NFIB: variants seen among roughly 807,000 people sequenced by gnomAD.
The protein encoded by NFIB is nuclear factor 1 B-type.
NFIB carries 11 observed loss-of-function variants against 61.5 expected under a neutral mutation model. The observed-to-expected ratio is 0.18, with a 90% CI of 0.11 to 0.30. The LOEUF is 0.30. Among genes scored for constraint, NFIB ranks in the 10% least tolerant of loss-of-function variants. The pLI, the probability that NFIB is intolerant of heterozygous loss-of-function variation, is 1.00. For missense variants in NFIB, 471 were observed against 608.9 expected (o/e 0.77, Z 2.38); for synonymous variants, 260 against 216.5 (o/e 1.20, Z -1.76).
intron 2 of NFIB, among the ~76,000 whole-genome samples, chr9:14,287,248 G>A (rs1233446958): frequency 1.3e-5 from 2 of 150,450 alleles, no homozygotes; most frequent in African/African-American, 2.5e-5. Context: ...TGGCTAACAC[G>A]GTGAAACCCC....
At chr9:14,405,662 A>G in the NFIB span, among the ~76,000 whole-genome samples, 1 of 152,230 alleles carries the variant, frequency 6.6e-6, no homozygotes, top group Non-Finnish European at 1.5e-5. Flanking sequence ...TTCAAGCAAA[A>G]ATGAAATGGA....
At chr9:14,290,094 A>G (rs145218250) in intron 2 of NFIB, among the ~76,000 whole-genome samples, 1 of 152,210 alleles carries the variant, frequency 6.6e-6, no homozygotes, top group African/African-American at 2.4e-5. Flanking sequence ...ACTGGATTGT[A>G]CCAGGAAATT....
At chr9:14,333,625 A>G (rs1172097518) in intron 1 of NFIB, among the ~76,000 whole-genome samples, 1 of 152,218 alleles carries the variant, frequency 6.6e-6, no homozygotes, top group East Asian at 1.9e-4. Context: ...TGGATCCCTA[A>G]AAAGTAAGAC....
rs1439274756 is a variant in NFIB at position 14,227,408 on chromosome 9, A to C, written c.563-47628T>G. On this transcript the variant is annotated intron_variant, in intron 2 of 10. Coordinates refer to ENST00000380953, the MANE Select transcript of NFIB (RefSeq NM_001190737.2). ...AGTACTCAAAACTATCTGTTGAATA[A>C]ACAAAGCATGGATGAATTTTTTAAA... Among the ~76,000 whole-genome samples, 4 of 152,158 alleles carry C rather than the reference A, an allele frequency of 2.6e-5. No individual in the cohort carries two copies. The East Asian group carries it at 5.8e-4, about 22-fold the overall frequency.
chr9:14,487,780 A>G, the NFIB span, among the ~76,000 whole-genome samples: 1 of 152,224 alleles, frequency 6.6e-6, no homozygotes, highest in Non-Finnish European at 1.5e-5. Context: ...AAACCTTCAG[A>G]CAAAAATATC....
chr9:14,530,340 C>CCACT, the NFIB span, among the ~76,000 whole-genome samples: 1 of 151,862 alleles, frequency 6.6e-6, no homozygotes, highest in Non-Finnish European at 1.5e-5. Flanking sequence ...TAACAGTTTG[C>CCACT]CACTTTAGAG....
intron 8 of NFIB, among the ~76,000 whole-genome samples, chr9:14,117,066 T>C (rs1032783636): frequency 4.6e-5 from 7 of 152,222 alleles, no homozygotes; most frequent in Non-Finnish European, 1.0e-4. Flanking sequence ...TGAGCTACGT[T>C]TGTCCTTACA....
intron 3 of NFIB, 74 bp downstream of exon 3, chr9:14,179,653 G>T: frequency 6.7e-7 from 1 of 1,499,506 alleles, no homozygotes; most frequent in Non-Finnish European, 9.2e-7. Flanking sequence ...CCAATTATGG[G>T]GTGTTTATCT....
intron 1 of NFIB, chr9:14,357,222 AG>A (rs2061186325): frequency 6.6e-6 from 1 of 152,230 alleles, no homozygotes; most frequent in Non-Finnish European, 1.5e-5. Flanking sequence ...GGCTTCTATC[AG>A]GAAAGCTATT....
chr9:14,390,498 GAGCTCTCAACAGACAA>G (rs372510970), intron 1 of NFIB, among the ~76,000 whole-genome samples: 2,790 of 152,282 alleles, frequency 0.018, 81 homozygotes, highest in African/African-American at 0.063. Context: ...TAAACTAAAA[GAGCTCTCAACAGACAA>G]AGTTGTCATA....
At chr9:14,202,934 T>C (rs929659409) in intron 2 of NFIB, among the ~76,000 whole-genome samples, 2 of 152,212 alleles carry the variant, frequency 1.3e-5, no homozygotes, top group Non-Finnish European at 2.9e-5. Context: ...AAATTATTTC[T>C]TTCACTCCAT....
In NFIB at chr9:14,270,620, AAAC is replaced by A. The variant is rs923881896; in HGVS notation, c.562+36366_562+36368del. Among the ~76,000 whole-genome samples, 8 of 151,278 alleles carry A rather than the reference AAAC, an allele frequency of 5.3e-5. No homozygotes were observed. In the East Asian group the frequency reaches 1.4e-3, roughly 26 times the overall value. On this transcript the variant is annotated intron_variant, in intron 2 of 10. Transcript: ENST00000380953. ...AAAAAAAAAAAAAGGCAGAGGACAG[AAAC>A]AACATCAGCTTAGATTAAACCTTCC... is the stretch of plus-strand genomic sequence containing the variant.
At chr9:14,241,148 T>C (rs972710790) in intron 2 of NFIB, among the ~76,000 whole-genome samples, 2 of 152,244 alleles carry the variant, frequency 1.3e-5, no homozygotes, top group African/African-American at 4.8e-5. Flanking sequence ...GGCAATTACC[T>C]GCCATTTAAC....
At chr9:14,430,999 A>T in the NFIB span, among the ~76,000 whole-genome samples, 5 of 152,238 alleles carry the variant, frequency 3.3e-5, no homozygotes, top group Non-Finnish European at 5.9e-5. Flanking sequence ...CAATATGGGC[A>T]TGGAAATAAT....
intron 10 of NFIB, among the ~76,000 whole-genome samples, chr9:14,094,832 T>C (rs777845630): frequency 8.5e-5 from 13 of 152,126 alleles, no homozygotes; most frequent in Non-Finnish European, 1.5e-4. Flanking sequence ...GTTTTGAAAA[T>C]AGCATATCAA....
chr9:14,092,786 C>CTCACCTAGTAGGTGAGTCCTACT (rs1182611639), intron 10 of NFIB, among the ~76,000 whole-genome samples: 1 of 152,004 alleles, frequency 6.6e-6, no homozygotes, highest in Admixed American at 6.6e-5. Flanking sequence ...GTGAGTTCTA[C>CTCACCTAGTAGGTGAGTCCTACT]AGCGTGAGGA....
chr9:14,456,997 C>G, the NFIB span, among the ~76,000 whole-genome samples: 1 of 152,116 alleles, frequency 6.6e-6, no homozygotes, highest in African/African-American at 2.4e-5. Context: ...GAACAATGTA[C>G]AACCATAACA....
Position 14,211,111 on chromosome 9 carries a change from C to A in NFIB, c.563-31331G>T, listed in dbSNP as rs138301023. 3.5e-4 allele frequency among the ~76,000 whole-genome samples: 54 copies of A among 152,250 alleles called. No homozygotes were observed. In the South Asian group the frequency reaches 0.011, roughly 32 times the overall value. The stretch of plus-strand genomic sequence containing the variant: ...ATTTGTACAATGTTAAGTATCACTG[C>A]AACCTGGAAAAACTTGCGGTAAAAT... On this transcript the variant is annotated intron_variant, in intron 2 of 10. Transcript: ENST00000380953.
chr9:14,423,488 C>T, the NFIB span, among the ~76,000 whole-genome samples: 5 of 152,092 alleles, frequency 3.3e-5, no homozygotes, highest in African/African-American at 4.8e-5. Context: ...TTTTACTTAG[C>T]GTGACATCGA....
Sources: allele counts gnomAD v4.1 joint callset (sites outside exome capture counted in the v4.1 genomes callset), GRCh38; gene constraint gnomAD v4.1.1; transcripts MANE v1.5; gene names NCBI Gene and HGNC (gene_info 2026-07-23, HGNC 2026-07-21).